ATRNL1: variants seen among roughly 807,000 people sequenced by gnomAD.
ATRNL1 encodes the protein attractin like 1.
In ATRNL1, 95 loss-of-function variants were observed where a neutral mutation model predicts 182.7. That is an observed-to-expected ratio of 0.52 (90% CI 0.44 to 0.62). The LOEUF (loss-of-function observed/expected upper bound fraction) is 0.62. Ranked by LOEUF, ATRNL1 falls within the 20% of genes least tolerant of loss-of-function variation. The pLI is 0.00. For synonymous variants in ATRNL1, 576 were observed against 568.3 expected, an observed-to-expected ratio of 1.01 and a Z score of -0.19; for missense variants, 1,471 against 1,679.5, an observed-to-expected ratio of 0.88 and a Z score of 2.17.
At chr10:115,915,938 C>T (rs560870949) in intron 28 of ATRNL1, among the ~76,000 whole-genome samples, 43 of 152,316 alleles carry the variant, frequency 2.8e-4, no homozygotes, top group African/African-American at 1.0e-3. Context: ...ATTAATTCAA[C>T]CTGCAACTTT....
intron 18 of ATRNL1, among the ~76,000 whole-genome samples, chr10:115,333,113 G>C (rs983170331): frequency 6.6e-6 from 1 of 152,078 alleles, no homozygotes; most frequent in East Asian, 1.9e-4. Context: ...GCAGAATATT[G>C]GCTTTCCTCA....
intron 18 of ATRNL1, 95 bp downstream of exon 18, chr10:115,315,831 A>G (rs1167651286): frequency 9.9e-7 from 1 of 1,005,086 alleles, no homozygotes; most frequent in Admixed American, 2.5e-5. Flanking sequence ...AGCTTTAGGA[A>G]AAAAGCAGAA....
chr10:115,532,124 T>C (rs1306544043), intron 25 of ATRNL1, among the ~76,000 whole-genome samples: 1 of 151,776 alleles, frequency 6.6e-6, no homozygotes, highest in African/African-American at 2.4e-5. Context: ...TCTTTTTTGG[T>C]TCCATATGAA....
intron 26 of ATRNL1, among the ~76,000 whole-genome samples, chr10:115,662,177 A>G (rs947028825): frequency 6.6e-6 from 1 of 151,788 alleles, no homozygotes. Context: ...CCAGTCTATC[A>G]TTGTTGGACA....
chr10:115,101,400 A>G (rs1843760928), intron 1 of ATRNL1, among the ~76,000 whole-genome samples: 1 of 152,024 alleles, frequency 6.6e-6, no homozygotes, highest in African/African-American at 2.4e-5. Flanking sequence ...TAGTTTGCCA[A>G]GAGTTTTTAC....
chr10:115,759,244 G>A (rs1031388013), intron 27 of ATRNL1, among the ~76,000 whole-genome samples: 7 of 152,074 alleles, frequency 4.6e-5, no homozygotes, highest in African/African-American at 1.7e-4. Context: ...TTAAATCAGG[G>A]TTTCTCAACT....
intron 13 of ATRNL1, among the ~76,000 whole-genome samples, chr10:115,275,208 T>C (rs963153319): frequency 2.0e-5 from 3 of 152,160 alleles, no homozygotes; most frequent in East Asian, 3.9e-4. Flanking sequence ...CAATTATGCA[T>C]TCTGGAACTG....
intron 27 of ATRNL1, among the ~76,000 whole-genome samples, chr10:115,731,279 C>A (rs1179713233): frequency 2.6e-5 from 4 of 152,128 alleles, no homozygotes; most frequent in Non-Finnish European, 4.4e-5. Flanking sequence ...ACCAATCTAT[C>A]CAGGACAATG....
chr10:115,809,444 G>T (rs4531378), intron 27 of ATRNL1, among the ~76,000 whole-genome samples: 75,250 of 151,746 alleles, frequency 0.5, 19,579 homozygotes, highest in East Asian at 0.76. Context: ...TCTCTTCTAA[G>T]CTACAAGTTA....
chr10:115,885,735 G>A (rs1462226285), intron 28 of ATRNL1, among the ~76,000 whole-genome samples: 1 of 152,094 alleles, frequency 6.6e-6, no homozygotes, highest in Admixed American at 6.5e-5. Context: ...TTTAGAAGCG[G>A]TATATTGTGA....
intron 26 of ATRNL1, among the ~76,000 whole-genome samples, chr10:115,653,700 T>C (rs1459137637): frequency 6.6e-6 from 1 of 152,228 alleles, no homozygotes; most frequent in Admixed American, 6.5e-5. Context: ...ATGGTCATGC[T>C]GTTATGGAAT....
intron 19 of ATRNL1, among the ~76,000 whole-genome samples, chr10:115,376,357 A>G (rs945083421): frequency 5.9e-5 from 9 of 152,040 alleles, no homozygotes; most frequent in African/African-American, 1.4e-4. Flanking sequence ...TGGTGTGATC[A>G]TAGCTCATTG....
intron 8 of ATRNL1, among the ~76,000 whole-genome samples, chr10:115,185,780 A>C (rs570584331): frequency 6.6e-6 from 1 of 152,206 alleles, no homozygotes; most frequent in Non-Finnish European, 1.5e-5. Flanking sequence ...GTAACTACAT[A>C]GTAGAGAAAC....
chr10:115,446,639 T>C (rs1229840628), intron 21 of ATRNL1, among the ~76,000 whole-genome samples: 2 of 152,022 alleles, frequency 1.3e-5, no homozygotes, highest in East Asian at 3.8e-4. Context: ...CAAAAATGTT[T>C]ACTACTTTTC....
intron 25 of ATRNL1, among the ~76,000 whole-genome samples, chr10:115,533,094 G>T (rs1415939031): frequency 6.6e-6 from 1 of 152,274 alleles, no homozygotes; most frequent in East Asian, 1.9e-4. Flanking sequence ...GCCCGGCTTT[G>T]GTATCAGGAT....
chr10:115,845,654 T>A (rs1214936822), intron 27 of ATRNL1, among the ~76,000 whole-genome samples: 2 of 151,948 alleles, frequency 1.3e-5, no homozygotes, highest in African/African-American at 4.8e-5. Flanking sequence ...GTTTCTCAAC[T>A]TTTTTGTATA....
chr10:115,408,304 G>C (rs1844960494), intron 20 of ATRNL1, among the ~76,000 whole-genome samples: 1 of 151,954 alleles, frequency 6.6e-6, no homozygotes, highest in Admixed American at 6.6e-5. Flanking sequence ...CGCCCGGCCT[G>C]ATTTGCATTT....
chr10:115,612,418 T>A (rs1174484897), intron 26 of ATRNL1, among the ~76,000 whole-genome samples: 1 of 152,214 alleles, frequency 6.6e-6, no homozygotes, highest in Non-Finnish European at 1.5e-5. Context: ...CTAAAGATAC[T>A]CATTCTATTC....
chr10:115,337,209 G>A (rs1291321353), intron 19 of ATRNL1, among the ~76,000 whole-genome samples: 1 of 151,828 alleles, frequency 6.6e-6, no homozygotes, highest in Non-Finnish European at 1.5e-5. Flanking sequence ...AATTTTGTGG[G>A]TACATAGTAG....
Sources: allele counts gnomAD v4.1 joint callset (sites outside exome capture counted in the v4.1 genomes callset), GRCh38; gene constraint gnomAD v4.1.1; transcripts MANE v1.5; gene names NCBI Gene and HGNC (gene_info 2026-07-23, HGNC 2026-07-21).